TDP2: variants seen among roughly 807,000 people sequenced by gnomAD.
The protein encoded by TDP2 is tyrosyl-DNA phosphodiesterase 2.
In TDP2, 38 loss-of-function variants were observed where a neutral mutation model predicts 42.8. That is an observed-to-expected ratio of 0.89 (90% CI 0.68 to 1.16). The LOEUF (loss-of-function observed/expected upper bound fraction) is 1.16, where lower values mean the gene tolerates loss of function less well. TDP2 is among the 50% of genes most tolerant of loss of function. The probability of loss-of-function intolerance (pLI) is 0.00; values close to 1 mark genes in which losing one functional copy is unlikely to be tolerated. For missense variants in TDP2, 439 were observed against 439.3 expected (o/e 1.00, Z 0.01); for synonymous variants, 173 against 150.6 (o/e 1.15, Z -1.09).
In TDP2 at chr6:24,666,512, C is replaced by A. The variant is rs765185701; in HGVS notation, c.251+14G>T. The A allele has an allele frequency of 6.2e-7, 1 of 1,612,896 alleles. No individual in the cohort carries two copies. Among genetic ancestry groups the A allele is most frequent in the South Asian group, 1.1e-5 (1 of 91,060 alleles). ...CCTCCGTGCGGACTGGCTCCCGCTCCCCTCATCACTTACTAGGTCTTGGGC... is the reference window on the plus strand; with the variant it reads ...CCTCCGTGCGGACTGGCTCCCGCTCACCTCATCACTTACTAGGTCTTGGGC... On this transcript the variant is annotated intron_variant, in intron 2 of 6. Transcript: ENST00000378198.
intron 5 of TDP2, 150 bp from the exon 6 acceptor site, chr6:24,653,303 A>G: frequency 2.4e-6 from 2 of 847,872 alleles, no homozygotes; most frequent in Non-Finnish European, 3.7e-6. Flanking sequence ...CCGGATCAAA[A>G]GAAGTATTAA....
intron 2 of TDP2, among the ~76,000 whole-genome samples, chr6:24,665,322 C>G (rs1267396180): frequency 2.0e-5 from 3 of 152,230 alleles, no homozygotes; most frequent in East Asian, 1.9e-4. Flanking sequence ...AGGAGAGGAT[C>G]TGACTGGCCA....
intron 2 of TDP2, chr6:24,666,002 G>C (rs1778226740): frequency 2.9e-6 from 4 of 1,373,042 alleles, no homozygotes; most frequent in South Asian, 1.7e-5. Context: ...AAGTTATGGA[G>C]CCAAATAGTA....
intron 2 of TDP2, 199 bp downstream of exon 2, chr6:24,666,327 C>T: frequency 1.3e-6 from 2 of 1,516,466 alleles, no homozygotes; most frequent in Non-Finnish European, 1.8e-6. Flanking sequence ...AAGCGACAGT[C>T]TGGTGCAGTG....
chr6:24,654,614 T>C (rs966495103), intron 4 of TDP2, 84 bp from the exon 5 acceptor site: 4 of 730,110 alleles, frequency 5.5e-6, no homozygotes, highest in Admixed American at 5.3e-5. Flanking sequence ...TTGAAGAATT[T>C]TATAGCAAAC....
chr6:24,666,434 G>T, intron 2 of TDP2, 92 bp downstream of exon 2: 1 of 1,477,330 alleles, frequency 6.8e-7, no homozygotes, highest in Non-Finnish European at 9.4e-7. Flanking sequence ...AGCATCGTCC[G>T]CCCAGCTCCA....
chr6:24,666,594 G>A lies in TDP2; in HGVS notation c.183C>T (p.Tyr61=). The A allele has an allele frequency of 6.2e-7, 1 of 1,614,208 alleles. No homozygotes were observed. The highest frequency in any genetic ancestry group is 8.5e-7 in the Non-Finnish European group (1 of 1,180,032). Residue 61 remains tyrosine, a synonymous_variant, in exon 2 of 7, where the codon TAC becomes TAT. Coordinates refer to ENST00000378198, the MANE Select transcript of TDP2 (RefSeq NM_016614.3). ...DWEMERALNS[Y]FEPPVEESAL... ...CGCTCTCCTCCACCGGAGGCTCGAA[G>A]TAGGAGTTCAGAGCCCTCTGAAAAA...
chr6:24,652,729 A>C (rs1369482911), intron 6 of TDP2, among the ~76,000 whole-genome samples: 1 of 151,972 alleles, frequency 6.6e-6, no homozygotes, highest in Non-Finnish European at 1.5e-5. Context: ...AATCCTATAT[A>C]TATATATATA....
intron 6 of TDP2, 120 bp downstream of exon 6, chr6:24,652,863 T>C (rs1777996250): frequency 9.2e-7 from 1 of 1,085,002 alleles, no homozygotes; most frequent in Non-Finnish European, 1.4e-6. Flanking sequence ...AATTGCAAGG[T>C]CACTTAAGAC....
At chr6:24,666,006 A>G in intron 2 of TDP2, 1 of 1,395,872 alleles carries the variant, frequency 7.2e-7, no homozygotes, top group Non-Finnish European at 9.4e-7. Flanking sequence ...TATGGAGCCA[A>G]ATAGTAGAGG....
At chr6:24,654,907 AC>A (rs1668996550) in intron 4 of TDP2, among the ~76,000 whole-genome samples, 1 of 152,136 alleles carries the variant, frequency 6.6e-6, no homozygotes, top group Non-Finnish European at 1.5e-5. Flanking sequence ...GCGTGGTGGC[AC>A]ATGCCTGTAA....
chr6:24,653,149 T>C lies in TDP2; in HGVS notation c.641A>G (p.Asn214Ser). 6.2e-7 allele frequency: 1 copy of C among 1,614,034 alleles called. No homozygotes were observed. The highest frequency in any genetic ancestry group is 1.1e-5 in the South Asian group (1 of 91,082). ...AAGGCAAAGCTCATTTCCTGACACG[T>C]TCACCTGCAGCAGGACAAACAGTCA... is the stretch of plus-strand genomic sequence containing the variant. ...MMRNLLCVHV[N>S]VSGNELCLMT... The change falls in exon 6 of 7, where the codon AAC becomes AGC. Residue 214 changes from asparagine to serine, a missense_variant. Transcript: ENST00000378198.
rs1025055367 is a variant in TDP2 at position 24,650,524 on chromosome 6, C to A, written c.*264G>T. ...AATGTGGTACCTGTTTGGAATCCAG[C>A]TGGCAGCTATAAGCACCGTTGAAAA... On this transcript the variant is annotated 3_prime_UTR_variant, in exon 7 of 7. Transcript: ENST00000378198. The A allele has an allele frequency of 3.3e-5, 14 of 423,566 alleles. No individual in the cohort carries two copies. The highest frequency in any genetic ancestry group is 5.9e-5 in the Non-Finnish European group (14 of 237,576). 26.2% of individuals were successfully genotyped at this position (423,566 alleles called of 1,614,324 possible). A position where few individuals can be genotyped will look rare whatever the true frequency, so the allele number is the denominator to read the frequency against.
At chr6:24,656,724 A>T (rs1247968996) in intron 4 of TDP2, among the ~76,000 whole-genome samples, 1 of 152,206 alleles carries the variant, frequency 6.6e-6, no homozygotes, top group Non-Finnish European at 1.5e-5. Flanking sequence ...TTCTGAAGGA[A>T]AACATCTATT....
chr6:24,660,631 A>T (rs1229182698), intron 2 of TDP2, among the ~76,000 whole-genome samples: 4 of 152,232 alleles, frequency 2.6e-5, no homozygotes, highest in Non-Finnish European at 2.9e-5. Context: ...TATCATTGAT[A>T]TAAGTTTTTC....
At chr6:24,651,179 C>A in intron 6 of TDP2, 110 bp from the exon 7 acceptor site, 2 of 831,106 alleles carry the variant, frequency 2.4e-6, no homozygotes, top group Admixed American at 2.9e-5. Flanking sequence ...ATTATTAATG[C>A]AGAAATGCAA....
At chr6:24,657,153 T>C (rs1302179710) in intron 4 of TDP2, among the ~76,000 whole-genome samples, 1 of 152,238 alleles carries the variant, frequency 6.6e-6, no homozygotes, top group Non-Finnish European at 1.5e-5. Context: ...TGGTCCTCTG[T>C]ATCTGCATCC....
At chr6:24,658,873 G>C (rs1173620590) in intron 2 of TDP2, 139 bp from the exon 3 acceptor site, 1 of 780,786 alleles carries the variant, frequency 1.3e-6, no homozygotes, top group Non-Finnish European at 2.0e-6. Flanking sequence ...GGGTTAACAA[G>C]AATTGCATGC....
intron 2 of TDP2, among the ~76,000 whole-genome samples, chr6:24,661,846 C>CTG: frequency 6.6e-6 from 1 of 152,030 alleles, no homozygotes; most frequent in East Asian, 1.9e-4. Flanking sequence ...CAGACTGTTA[C>CTG]TGTGTCTATG....
Sources: gnomAD v4.1 joint callset for allele counts (sites outside exome capture counted in the v4.1 genomes callset) on GRCh38, gnomAD v4.1.1 for gene constraint, MANE v1.5 for transcripts, NCBI Gene and HGNC (gene_info 2026-07-23, HGNC 2026-07-21) for gene names.